TARBP1: variants seen among roughly 807,000 people sequenced by gnomAD.
The protein encoded by TARBP1 is tRNA (guanosine(18)-2'-O)-methyltransferase TARBP1.
TARBP1 carries 144 observed loss-of-function variants against 178.6 expected under a neutral mutation model. That is an observed-to-expected ratio of 0.81 (90% CI 0.70 to 0.93). TARBP1 has a LOEUF of 0.93. Among genes scored for constraint, TARBP1 ranks in the 40% least tolerant of loss-of-function variants. The pLI, the probability that TARBP1 is intolerant of heterozygous loss-of-function variation, is 0.00. For synonymous variants in TARBP1, 787 were observed against 781.0 expected (o/e 1.01, Z -0.13); for missense variants, 2,067 against 2,011.7 (o/e 1.03, Z -0.53).
At position 234,414,927 on chromosome 1, in the gene TARBP1, T is replaced by G. The variant is rs112488062; in HGVS notation, c.3705+3157A>C. ...TAAAGCTGGGAGGCGGAGGTTGCAG[T>G]GAGCCAATATCGCACCACTGCACTC... On this transcript the variant is annotated intron_variant, in intron 22 of 29. Transcript: ENST00000040877. 3.4e-3 allele frequency among the ~76,000 whole-genome samples: 516 copies of G among 152,114 alleles called. 7 individuals carry two copies. Among genetic ancestry groups the G allele is most frequent in the African/African-American group, 0.012 (493 of 41,502 alleles).
intron 4 of TARBP1, among the ~76,000 whole-genome samples, chr1:234,466,180 C>T (rs990202251): frequency 1.2e-4 from 19 of 152,130 alleles, no homozygotes; most frequent in African/African-American, 4.6e-4. Flanking sequence ...AAACATGATG[C>T]ATATCAATAT....
In TARBP1 at chr1:234,463,891, T is replaced by G; in HGVS notation, c.1345A>C (p.Lys449Gln). 6.3e-7 allele frequency: 1 copy of G among 1,599,360 alleles called. No individual in the cohort carries two copies. The highest frequency in any genetic ancestry group is 8.5e-7 in the Non-Finnish European group (1 of 1,172,774). ...TAAGTGACTAAAAACTTCTGTAATT[T>G]CAGTCCCAATGGAGAACAGCTTCCT... ...PIGSCSPLGL[K>Q]LQKFLVTYIS... is the part of the protein sequence containing the mutation. Residue 449 changes from lysine to glutamine, a missense_variant, in exon 6 of 30, where the codon AAA becomes CAA. Coordinates refer to ENST00000040877, the MANE Select transcript of TARBP1 (RefSeq NM_005646.4).
chr1:234,404,156 A>T, intron 24 of TARBP1, among the ~76,000 whole-genome samples: 1 of 152,248 alleles, frequency 6.6e-6, no homozygotes, highest in East Asian at 1.9e-4. Context: ...AACAACCAGG[A>T]TCGAAATGTC....
intron 12 of TARBP1, among the ~76,000 whole-genome samples, chr1:234,443,155 T>C (rs967389898): frequency 6.6e-6 from 1 of 152,000 alleles, no homozygotes; most frequent in African/African-American, 2.4e-5. Flanking sequence ...CCAGGCATGG[T>C]GGTGCATGCC....
intron 4 of TARBP1, among the ~76,000 whole-genome samples, chr1:234,467,138 C>T (rs2103287079): frequency 6.6e-6 from 1 of 152,274 alleles, no homozygotes; most frequent in African/African-American, 2.4e-5. Flanking sequence ...GAGGCAGTAG[C>T]ATCACTAAAC....
At chr1:234,392,639 A>C in intron 28 of TARBP1, 87 bp from the exon 29 acceptor site, 1 of 1,193,230 alleles carries the variant, frequency 8.4e-7, no homozygotes, top group Non-Finnish European at 1.2e-6. Context: ...TATTAACCTA[A>C]ACTTAACTCT....
At position 234,448,474 on chromosome 1, in the gene TARBP1, A is replaced by C. The variant is rs1052387394; in HGVS notation, c.1961+6T>G. 1 of 1,609,714 alleles carries C rather than the reference A, an allele frequency of 6.2e-7. No homozygotes were observed. Among genetic ancestry groups the C allele is most frequent in the African/African-American group, 1.3e-5 (1 of 74,908 alleles). ...AGGCTTTCTTTTCAATTACAGAAAC[A>C]ATTACCTATACTGAGTCTTCATTCC... On this transcript the variant is annotated splice_donor_region_variant and intron_variant, in intron 11 of 29. Transcript: ENST00000040877.
At chr1:234,393,522 C>G in intron 27 of TARBP1, 36 bp from the exon 28 acceptor site, 1 of 1,569,682 alleles carries the variant, frequency 6.4e-7, no homozygotes, top group Middle Eastern at 1.7e-4. Flanking sequence ...AGATTGTTCC[C>G]AGCACAATGC....
Position 234,420,741 on chromosome 1 carries a change from C to T in TARBP1, c.3516G>A (p.Val1172=), listed in dbSNP as rs1056488. 2.5e-6 allele frequency: 4 copies of T among 1,612,776 alleles called. No homozygotes were observed. In the East Asian group the frequency reaches 8.9e-5, roughly 36 times the overall value. ...NSLQHRVKNR[V]WQTLLVLFPR... is the part of the protein sequence containing the mutation. Reference sequence around the variant, plus strand: ...GGAAAAGTACCAGCAGAGTCTGCCACACTCGGTTTTTCACTCTGTGCTGTA... The same window carrying T: ...GGAAAAGTACCAGCAGAGTCTGCCATACTCGGTTTTTCACTCTGTGCTGTA... Residue 1172 remains valine, a synonymous_variant, in exon 21 of 30, where the codon GTG becomes GTA. Transcript: ENST00000040877.
rs777499260 is a variant in TARBP1 at position 234,437,298 on chromosome 1, G to C, written c.2209C>G (p.Leu737Val). ...ACACTATTTAGCTCATTCATAGTAA[G>C]TCTTCTGAGAATAAATTCAGAAATG... Reference protein sequence around the residue: ...ESISEFILRRLTMNELNSVSD... With the variant: ...ESISEFILRRVTMNELNSVSD... Residue 737 changes from leucine to valine, a missense_variant, in exon 13 of 30, where the codon CTT becomes GTT. Coordinates refer to ENST00000040877, the MANE Select transcript of TARBP1 (RefSeq NM_005646.4). 6.3e-7 allele frequency: 1 copy of C among 1,580,822 alleles called. No homozygotes were observed. Among genetic ancestry groups the C allele is most frequent in the Non-Finnish European group, 8.6e-7 (1 of 1,158,714 alleles).
chr1:234,467,531 T>C lies in TARBP1; in HGVS notation c.1219A>G (p.Ile407Val). ...IHFLELYETK[I>V]LPFSPEFSEF... ...GAAAATTCTGGTGAAAATGGAAGAA[T>C]CTTTGTTTCATACAGCTCCAAAAAA... Residue 407 changes from isoleucine to valine, a missense_variant, in exon 4 of 30, where the codon ATT becomes GTT. Transcript: ENST00000040877. The C allele has an allele frequency of 6.3e-7, 1 of 1,596,390 alleles. No homozygotes were observed. Among genetic ancestry groups the C allele is most frequent in the Non-Finnish European group, 8.5e-7 (1 of 1,174,752 alleles).
At chr1:234,427,204 T>C in intron 19 of TARBP1, 113 bp downstream of exon 19, 1 of 667,886 alleles carries the variant, frequency 1.5e-6, no homozygotes, top group South Asian at 2.3e-5. Context: ...TCCCATCTTA[T>C]TAATATATTA....
intron 9 of TARBP1, among the ~76,000 whole-genome samples, chr1:234,451,972 T>C (rs1227293430): frequency 2.6e-5 from 4 of 152,188 alleles, no homozygotes; most frequent in Admixed American, 6.5e-5. Context: ...CCTCTAAAAC[T>C]GGCCAGACTG....
intron 22 of TARBP1, among the ~76,000 whole-genome samples, chr1:234,413,095 C>A (rs568692963): frequency 2.0e-5 from 3 of 152,290 alleles, no homozygotes; most frequent in Admixed American, 2.0e-4. Context: ...CGATGCCTAG[C>A]CACCAGAGCT....
chr1:234,393,306 G>A (rs532749021), intron 28 of TARBP1, 56 bp downstream of exon 28: 22 of 1,377,414 alleles, frequency 1.6e-5, no homozygotes, highest in African/African-American at 1.0e-4. Context: ...TTAGGTTCAC[G>A]GGTACATGTG....
At chr1:234,411,680 T>C (rs890835490) in intron 22 of TARBP1, among the ~76,000 whole-genome samples, 1 of 152,156 alleles carries the variant, frequency 6.6e-6, no homozygotes, top group Non-Finnish European at 1.5e-5. Flanking sequence ...CTTAATCAGC[T>C]ATCTTAGGGA....
chr1:234,465,635 C>T, intron 5 of TARBP1, 21 bp downstream of exon 5: 2 of 1,513,024 alleles, frequency 1.3e-6, no homozygotes, highest in Non-Finnish European at 1.8e-6. Context: ...TCAAATACTT[C>T]ATAACATAAT....
intron 6 of TARBP1, among the ~76,000 whole-genome samples, chr1:234,460,643 G>C (rs191309781): frequency 3.3e-5 from 5 of 152,254 alleles, no homozygotes; most frequent in Admixed American, 3.3e-4. Context: ...AAATATGGCA[G>C]TTCCTCCAAA....
intron 19 of TARBP1, among the ~76,000 whole-genome samples, chr1:234,425,995 T>C (rs1663710059): frequency 1.3e-5 from 2 of 152,228 alleles, no homozygotes; most frequent in African/African-American, 2.4e-5. Context: ...GGAGGGTCTA[T>C]ACAGAAAGTA....
Sources: allele counts gnomAD v4.1 joint callset (sites outside exome capture counted in the v4.1 genomes callset), GRCh38; gene constraint gnomAD v4.1.1; transcripts MANE v1.5; gene names NCBI Gene and HGNC (gene_info 2026-07-23, HGNC 2026-07-21).